Variants in ANXA2 observed in about 807,000 individuals in gnomAD.
The protein encoded by ANXA2 is annexin A2.
In ANXA2, 28 loss-of-function variants were observed where a neutral mutation model predicts 47.3. The observed-to-expected ratio is 0.59, with a 90% CI of 0.44 to 0.81. The LOEUF (loss-of-function observed/expected upper bound fraction) is 0.81, where lower values mean the gene tolerates loss of function less well. ANXA2 is among the 40% of genes least tolerant of loss of function. ANXA2 has a pLI of 0.00. For missense variants in ANXA2, 384 were observed against 414.3 expected (o/e 0.93, Z 0.64); for synonymous variants, 172 against 155.5 (o/e 1.11, Z -0.79).
At chr15:60,370,807 A>G (rs2062700610) in intron 3 of ANXA2, among the ~76,000 whole-genome samples, 1 of 152,166 alleles carries the variant, frequency 6.6e-6, no homozygotes, top group Admixed American at 6.5e-5. Context: ...TGCTGGGCGG[A>G]AGGGCACAGG....
At chr15:60,382,005 G>T (rs74017180) in intron 3 of ANXA2, among the ~76,000 whole-genome samples, 4,413 of 142,076 alleles carry the variant, frequency 0.031, 131 homozygotes, top group African/African-American at 0.082. Context: ...GAAACGGGGG[G>T]TGGGGGAGGA....
At chr15:60,397,650 C>T (rs1460533643) in intron 1 of ANXA2, among the ~76,000 whole-genome samples, 3 of 152,188 alleles carry the variant, frequency 2.0e-5, no homozygotes, top group East Asian at 3.9e-4. Context: ...CCCCACGCCG[C>T]CTCGCCCCGC....
rs185816448 is a variant in ANXA2, at chr15:60,396,974, C to G, written c.-12+969G>C. 4.7e-4 allele frequency among the ~76,000 whole-genome samples: 71 copies of G among 152,328 alleles called. 1 individual carries two copies. In the Middle Eastern group the frequency reaches 0.01, roughly 22 times the overall value. On this transcript the variant is annotated intron_variant, in intron 1 of 12. Coordinates refer to ENST00000451270, the MANE Select transcript of ANXA2 (RefSeq NM_004039.3). ...ACTTTACACATTTATTACCTAATGA[C>G]TGTGTTTTTTGAAATCTCCAATAAC...
At chr15:60,373,514 G>T (rs1354978884) in intron 3 of ANXA2, among the ~76,000 whole-genome samples, 4 of 152,184 alleles carry the variant, frequency 2.6e-5, no homozygotes, top group Admixed American at 6.5e-5. Context: ...TGCTGTAAAA[G>T]TTGCCCCTCT....
At chr15:60,377,817 T>C (rs2062801676) in intron 3 of ANXA2, among the ~76,000 whole-genome samples, 1 of 152,034 alleles carries the variant, frequency 6.6e-6, no homozygotes. Context: ...GCCAGGCCTA[T>C]GATTTCACAC....
At chr15:60,372,404 A>C (rs968608018) in intron 3 of ANXA2, among the ~76,000 whole-genome samples, 9 of 152,156 alleles carry the variant, frequency 5.9e-5, no homozygotes, top group African/African-American at 1.9e-4. Flanking sequence ...TGCACTAGGC[A>C]ACTCTGCCTC....
In ANXA2 at chr15:60,349,849, G is replaced by C. The variant is rs1281952375; in HGVS notation, c.838-652C>G. On this transcript the variant is annotated intron_variant, in intron 11 of 12. Transcript: ENST00000451270. ...GGGAGGGAGGGGAAGGAAAGGGAGGGAGGTGAAGGCAGGGAGGCAGGGGAA... is the reference window on the plus strand; with the variant it reads ...GGGAGGGAGGGGAAGGAAAGGGAGGCAGGTGAAGGCAGGGAGGCAGGGGAA... 2.1e-3 allele frequency among the ~76,000 whole-genome samples: 248 copies of C among 118,604 alleles called. 1 individual carries two copies. Among genetic ancestry groups the C allele is most frequent in the South Asian group, 8.1e-3 (26 of 3,196 alleles). 77.8% of individuals were successfully genotyped at this position (118,604 alleles called of 152,430 possible). A position where few individuals can be genotyped will look rare whatever the true frequency, so the allele number is the denominator to read the frequency against.
At chr15:60,363,072 A>T (rs191728400) in intron 4 of ANXA2, 3 of 139,248 alleles carry the variant, frequency 2.2e-5, no homozygotes, top group African/African-American at 7.9e-5. Context: ...TCAGGCTTCT[A>T]TGTGTGTGTG....
At chr15:60,351,902 T>G in intron 9 of ANXA2, 83 bp from the exon 10 acceptor site, 1 of 951,852 alleles carries the variant, frequency 1.1e-6, no homozygotes, top group African/African-American at 1.6e-5. Context: ...TTATGCACCA[T>G]AATTTTTTTA....
chr15:60,354,569 G>C (rs551552701), intron 7 of ANXA2, among the ~76,000 whole-genome samples: 1 of 134,964 alleles, frequency 7.4e-6, no homozygotes, highest in Non-Finnish European at 1.5e-5. Context: ...GCTGTGATCT[G>C]AGATCACGCC....
At position 60,349,099 on chromosome 15, in the gene ANXA2, G is replaced by A; in HGVS notation, c.936C>T (p.Gly312=). 6.2e-7 allele frequency: 1 copy of A among 1,614,100 alleles called. No individual in the cohort carries two copies. Among genetic ancestry groups the A allele is most frequent in the Non-Finnish European group, 8.5e-7 (1 of 1,180,000 alleles). ...KIRSEFKRKY[G]KSLYYYIQQD... ...CCTGGATATAATAGTACAGGGACTT[G>A]CCGTACTTTCTCTTGAATTCAGACC... Residue 312 remains glycine, a synonymous_variant, in exon 12 of 13, where the codon GGC becomes GGT. Coordinates refer to ENST00000451270, the MANE Select transcript of ANXA2 (RefSeq NM_004039.3).
In ANXA2 at chr15:60,396,937, T is replaced by C. The variant is rs75613849; in HGVS notation, c.-12+1006A>G. ...GACACTTTGCATTTGCACAGCACTTTGTTTTTTGTGTACTTTACACATTTA... is the reference window on the plus strand; with the variant it reads ...GACACTTTGCATTTGCACAGCACTTCGTTTTTTGTGTACTTTACACATTTA... On this transcript the variant is annotated intron_variant, in intron 1 of 12. Coordinates refer to ENST00000451270, the MANE Select transcript of ANXA2 (RefSeq NM_004039.3). Among the ~76,000 whole-genome samples the C allele has an allele frequency of 1.5e-3, 225 of 152,364 alleles. 6 individuals carry two copies. In the East Asian group the frequency reaches 0.025, roughly 17 times the overall value.
rs930028362 is a variant in ANXA2 at position 60,347,329 on chromosome 15, G to A, written c.*301C>T. 1 of 414,702 alleles carries A rather than the reference G, an allele frequency of 2.4e-6. No homozygotes were observed. The highest frequency in any genetic ancestry group is 4.4e-6 in the Non-Finnish European group (1 of 228,372). The allele number at this position is 414,702 out of a possible 1,614,324, so 25.7% of individuals were successfully genotyped here. The stretch of plus-strand genomic sequence containing the variant: ...AGTTGAAAGCAGGGCCACAAAGTAC[G>A]TGTTTCTAAAGTACAAATTCAGTTT... On this transcript the variant is annotated 3_prime_UTR_variant, in exon 13 of 13. Transcript: ENST00000451270.
chr15:60,380,567 GC>G (rs1416213429), intron 3 of ANXA2, among the ~76,000 whole-genome samples: 9 of 151,586 alleles, frequency 5.9e-5, no homozygotes, highest in Non-Finnish European at 1.3e-4. Context: ...ACTTTGGGAG[GC>G]CAAGGCGGGC....
intron 12 of ANXA2, among the ~76,000 whole-genome samples, chr15:60,348,187 C>T (rs1398472541): frequency 6.6e-6 from 1 of 152,154 alleles, no homozygotes; most frequent in Non-Finnish European, 1.5e-5. Context: ...ATAAACCTGG[C>T]TACAAAAAAT....
intron 12 of ANXA2, among the ~76,000 whole-genome samples, chr15:60,348,745 C>CAAA (rs35692360): frequency 8.3e-6 from 1 of 119,830 alleles, no homozygotes. Context: ...GACTCCGTCT[C>CAAA]AAAAAAAAAA....
intron 1 of ANXA2, among the ~76,000 whole-genome samples, chr15:60,388,758 G>C (rs1276706530): frequency 8.5e-6 from 1 of 117,112 alleles, no homozygotes; most frequent in African/African-American, 3.3e-5. Context: ...TTTTTTGTCT[G>C]AGACAGGGTT....
chr15:60,363,631 G>A (rs943517601), intron 4 of ANXA2, among the ~76,000 whole-genome samples: 8 of 152,162 alleles, frequency 5.3e-5, no homozygotes, highest in Non-Finnish European at 8.8e-5. Flanking sequence ...GGACGAACAC[G>A]CACTGGTTGT....
Position 60,352,438 on chromosome 15 carries a change from A to T in ANXA2, c.627T>A (p.Asp209Glu). The change falls in exon 9 of 13, where the codon GAT becomes GAA. Residue 209 changes from aspartate to glutamate, a missense_variant. Asp to Glu is a conservative substitution (Grantham distance 45). Transcript: ENST00000451270. This position sits in a 1 kb window ranked among gnomAD's most constrained non-coding sequence, Gnocchi z 4.2. Reference sequence around the variant, plus strand: ...TCATGATGCTGATCCACTTGGGAACATCAGTTCCTTTCCTCTTCACTCCAG... The same window carrying T: ...TCATGATGCTGATCCACTTGGGAACTTCAGTTCCTTTCCTCTTCACTCCAG... ...YDAGVKRKGT[D>E]VPKWISIMTE... 5 of 1,613,872 alleles carry T rather than the reference A, an allele frequency of 3.1e-6. No individual in the cohort carries two copies. The highest frequency in any genetic ancestry group is 4.2e-6 in the Non-Finnish European group (5 of 1,179,828).
Sources: gnomAD v4.1 joint callset for allele counts (sites outside exome capture counted in the v4.1 genomes callset) on GRCh38, gnomAD v4.1.1 for gene constraint, Gnocchi (gnomAD v3.1) non-coding constraint, MANE v1.5 for transcripts, NCBI Gene and HGNC (gene_info 2026-07-23, HGNC 2026-07-21) for gene names.